Variants in TPO observed in about 807,000 individuals in gnomAD.
TPO encodes the protein thyroid microsomal antigen.
In TPO, 78 loss-of-function variants were observed where a neutral mutation model predicts 96.9. The observed-to-expected ratio is 0.81, with a 90% CI of 0.67 to 0.97. The LOEUF is 0.97. Among genes scored for constraint, TPO ranks in the 50% least tolerant of loss-of-function variants. TPO has a pLI of 0.00. For synonymous variants in TPO, 547 were observed against 538.0 expected, an observed-to-expected ratio of 1.02 and a Z score of -0.23; for missense variants, 1,252 against 1,274.8, an observed-to-expected ratio of 0.98 and a Z score of 0.27.
In TPO at chr2:1,453,833, C is replaced by G. The variant is rs1364811644; in HGVS notation, c.612+10C>G. ...GTTCCCACTGCCCCCGGTGGGTACT[C>G]AGAACGCTACTATCCTGGACTAAGA... On this transcript the variant is annotated intron_variant, in intron 6 of 16. Transcript: ENST00000329066. 1 of 1,613,616 alleles carries G rather than the reference C, an allele frequency of 6.2e-7. No individual in the cohort carries two copies. Among genetic ancestry groups the G allele is most frequent in the Admixed American group, 1.7e-5 (1 of 60,024 alleles).
upstream of TPO, among the ~76,000 whole-genome samples, chr2:1,408,540 AT>A (rs1171310642): frequency 6.6e-6 from 1 of 152,214 alleles, no homozygotes; most frequent in African/African-American, 2.4e-5. Flanking sequence ...AATCTACTGC[AT>A]AATTCATGAG....
chr2:1,513,572 T>TC (rs1383188627), intron 14 of TPO: 1 of 152,224 alleles, frequency 6.6e-6, no homozygotes, highest in African/African-American at 2.4e-5. Flanking sequence ...AGACGGAGTC[T>TC]CCAGAGAAAC....
intron 1 of TPO, among the ~76,000 whole-genome samples, chr2:1,381,007 G>A (rs149383046): frequency 1.3e-5 from 2 of 152,252 alleles, no homozygotes; most frequent in South Asian, 2.1e-4. Flanking sequence ...TGATTTCTGG[G>A]GCACATGTGC....
At position 1,421,755 on chromosome 2, in the gene TPO, G is replaced by A. The variant is rs28910010; in HGVS notation, c.95-1290G>A. Among the ~76,000 whole-genome samples, 1,203 of 152,290 alleles carry A rather than the reference G, an allele frequency of 7.9e-3. 13 individuals are homozygous for A. Among genetic ancestry groups the A allele is most frequent in the African/African-American group, 0.027 (1,134 of 41,556 alleles). ...GCTGAAAGAAATCTCCATAAAGCCC[G>A]GAATGCTGGTCCTTGAGGTCCACAC... is the stretch of plus-strand genomic sequence containing the variant. On this transcript the variant is annotated intron_variant, in intron 2 of 16. Coordinates refer to ENST00000329066, the MANE Select transcript of TPO (RefSeq NM_001206744.2).
chr2:1,509,890 A>C (rs934200777), intron 14 of TPO, among the ~76,000 whole-genome samples: 2 of 148,720 alleles, frequency 1.3e-5, no homozygotes, highest in African/African-American at 5.0e-5. Context: ...TTTCTGGGAA[A>C]CCACACCCTC....
At chr2:1,432,279 C>T (rs191704359) in intron 3 of TPO, among the ~76,000 whole-genome samples, 10 of 152,354 alleles carry the variant, frequency 6.6e-5, no homozygotes, top group African/African-American at 2.4e-4. Context: ...CTGCAGGTGC[C>T]TGGACAATGC....
chr2:1,520,311 A>G (rs946560979), intron 15 of TPO, among the ~76,000 whole-genome samples: 1 of 152,208 alleles, frequency 6.6e-6, no homozygotes, highest in East Asian at 1.9e-4. Context: ...TTTTAAAAAC[A>G]TGATCTTATT....
intron 7 of TPO, among the ~76,000 whole-genome samples, chr2:1,462,192 G>C (rs1339351354): frequency 1.3e-5 from 2 of 152,190 alleles, no homozygotes; most frequent in Non-Finnish European, 2.9e-5. Context: ...TGAAGGCAGA[G>C]AGGCTGGGGC....
chr2:1,498,570 C>T (rs1672579340), intron 13 of TPO, among the ~76,000 whole-genome samples: 1 of 152,212 alleles, frequency 6.6e-6, no homozygotes, highest in African/African-American at 2.4e-5. Context: ...GCCAGATTTG[C>T]AGACGTGCTC....
Position 1,496,546 on chromosome 2 carries a change from TTTC to T in TPO, c.2216-46_2216-44del, listed in dbSNP as rs748279248. ...CGTGACAGGGACGTTGGTGTGTGGT[TTTC>T]TTTTCTCGTAGTTTGACTACATGTC... On this transcript the variant is annotated intron_variant, in intron 12 of 16. Coordinates refer to ENST00000329066, the MANE Select transcript of TPO (RefSeq NM_001206744.2). 2.6e-5 allele frequency: 42 copies of T among 1,611,590 alleles called. No homozygotes were observed. In the African/African-American group the frequency reaches 4.7e-4, roughly 18 times the overall value.
At position 1,542,556 on chromosome 2, in the gene TPO, G is replaced by A. The variant is rs773699905; in HGVS notation, c.*82G>A. 2.3e-5 allele frequency: 37 copies of A among 1,591,568 alleles called. No homozygotes were observed. The Admixed American group carries it at 3.8e-4, about 16-fold the overall frequency. On this transcript the variant is annotated 3_prime_UTR_variant, in exon 17 of 17. Coordinates refer to ENST00000329066, the MANE Select transcript of TPO (RefSeq NM_001206744.2). ...CTCTTTTCCAAACACAGGCAAATCCGAAATCAGCAGGACGACTGTTTTCCC... is the reference window on the plus strand; with the variant it reads ...CTCTTTTCCAAACACAGGCAAATCCAAAATCAGCAGGACGACTGTTTTCCC...
chr2:1,530,946 C>G (rs1311566813), intron 15 of TPO, among the ~76,000 whole-genome samples: 1 of 103,948 alleles, frequency 9.6e-6, no homozygotes, highest in African/African-American at 3.9e-5. Flanking sequence ...AATCCCCCCA[C>G]TATGTGCGAC....
chr2:1,410,773 C>CT (rs1406438510), upstream of TPO, among the ~76,000 whole-genome samples: 1 of 152,078 alleles, frequency 6.6e-6, no homozygotes, highest in Non-Finnish European at 1.5e-5. Context: ...TGGCTTCTTA[C>CT]TGTATCATGC....
intron 15 of TPO, among the ~76,000 whole-genome samples, chr2:1,521,357 A>G (rs1037081711): frequency 1.3e-5 from 2 of 152,036 alleles, no homozygotes; most frequent in East Asian, 1.9e-4. Context: ...TCTCTTTATC[A>G]TTAGATTCAT....
intron 5 of TPO, among the ~76,000 whole-genome samples, chr2:1,442,428 G>A (rs538715870): frequency 1.8e-4 from 28 of 152,274 alleles, no homozygotes; most frequent in African/African-American, 6.7e-4. Context: ...CACATGCAAT[G>A]TTAGACAGTG....
At position 1,503,218 on chromosome 2, in the gene TPO, C is replaced by T. The variant is rs538310830; in HGVS notation, c.2387-730C>T. ...TTGCTGCCTCCAGCCTGGCCCTCGG[C>T]GGAGGCTGCACCCAGGCCAGCTCTG... On this transcript the variant is annotated intron_variant, in intron 13 of 16. Coordinates refer to ENST00000329066, the MANE Select transcript of TPO (RefSeq NM_001206744.2). Among the ~76,000 whole-genome samples, 222 of 152,298 alleles carry T rather than the reference C, an allele frequency of 1.5e-3. 1 individual carries two copies. Among genetic ancestry groups the T allele is most frequent in the African/African-American group, 5.2e-3 (215 of 41,566 alleles).
chr2:1,494,989 C>T (rs1033778717), intron 11 of TPO, among the ~76,000 whole-genome samples: 2 of 152,094 alleles, frequency 1.3e-5, no homozygotes, highest in South Asian at 2.1e-4. Flanking sequence ...AGCAAACGTG[C>T]GGTTTGGAAT....
At chr2:1,389,705 C>A (rs1046226216) in intron 1 of TPO, among the ~76,000 whole-genome samples, 9 of 152,094 alleles carry the variant, frequency 5.9e-5, no homozygotes, top group Non-Finnish European at 1.0e-4. Flanking sequence ...CCATTGTCCT[C>A]CCCTCCTGGC....
intron 9 of TPO, among the ~76,000 whole-genome samples, chr2:1,486,087 T>C (rs1671134114): frequency 6.6e-6 from 1 of 152,226 alleles, no homozygotes; most frequent in Admixed American, 6.5e-5. Context: ...ATAAGGATTT[T>C]CGCATCGATG....
Sources: gnomAD v4.1 joint callset for allele counts (sites outside exome capture counted in the v4.1 genomes callset) on GRCh38, gnomAD v4.1.1 for gene constraint, MANE v1.5 for transcripts, NCBI Gene and HGNC (gene_info 2026-07-23, HGNC 2026-07-21) for gene names.